The following GRIP1 variants were observed in gnomAD, a reference collection of about 807,000 sequenced individuals.
The protein encoded by GRIP1 is glutamate receptor interacting protein 1.
GRIP1 carries 45 observed loss-of-function variants against 129.9 expected under a neutral mutation model. The observed-to-expected ratio is 0.35, with a 90% CI of 0.27 to 0.44. GRIP1 has a LOEUF of 0.44. Among genes scored for constraint, GRIP1 ranks in the 20% least tolerant of loss-of-function variants. GRIP1 has a pLI of 1.00. For synonymous variants in GRIP1, 530 were observed against 520.8 expected, an observed-to-expected ratio of 1.02 and a Z score of -0.24; for missense variants, 1,196 against 1,396.8, an observed-to-expected ratio of 0.86 and a Z score of 2.29.
At chr12:66,776,448 TAAC>T (rs2037982893) in intron 1 of GRIP1, among the ~76,000 whole-genome samples, 1 of 152,166 alleles carries the variant, frequency 6.6e-6, no homozygotes, top group Non-Finnish European at 1.5e-5. Flanking sequence ...AATCACTGAA[TAAC>T]AATAACTTTA....
At chr12:66,802,211 TTC>T (rs1382134923) in intron 1 of GRIP1, among the ~76,000 whole-genome samples, 1 of 152,136 alleles carries the variant, frequency 6.6e-6, no homozygotes, top group Non-Finnish European at 1.5e-5. Context: ...CTCTGACACA[TTC>T]TGTTTATTAT....
intron 7 of GRIP1, among the ~76,000 whole-genome samples, chr12:66,498,640 G>A (rs769047208): frequency 9.2e-5 from 14 of 152,138 alleles, no homozygotes; most frequent in Non-Finnish European, 1.9e-4. Flanking sequence ...TAATGGCAAT[G>A]TATTATGTTA....
chr12:66,735,987 T>C (rs1282009225), intron 1 of GRIP1, among the ~76,000 whole-genome samples: 1 of 152,070 alleles, frequency 6.6e-6, no homozygotes, highest in African/African-American at 2.4e-5. Context: ...ATATGAGATG[T>C]GGCACCCAGG....
At chr12:66,724,725 C>T (rs2036197631) in intron 1 of GRIP1, among the ~76,000 whole-genome samples, 1 of 152,168 alleles carries the variant, frequency 6.6e-6, no homozygotes, top group East Asian at 1.9e-4. Flanking sequence ...AAAGCAACTC[C>T]CACTCACAGT....
At chr12:66,887,656 C>G (rs929352514) in intron 1 of GRIP1, among the ~76,000 whole-genome samples, 1 of 152,128 alleles carries the variant, frequency 6.6e-6, no homozygotes, top group Non-Finnish European at 1.5e-5. Context: ...TAGAGTATGT[C>G]TCATGTATTT....
chr12:66,969,160 G>A (rs542055950), intron 1 of GRIP1, among the ~76,000 whole-genome samples: 74 of 152,148 alleles, frequency 4.9e-4, no homozygotes, highest in Admixed American at 3.7e-3. Context: ...TTCACATTCC[G>A]AAGTTGAATG....
rs902344419 is a variant in GRIP1 at position 67,065,255 on chromosome 12, C to G, written c.58+3795G>C. ...TCAGGAGGCTGAGGCAGAAGGATCT[C>G]TTGAGCCCAGGAGGTAGAGGCTACG... On this transcript the variant is annotated intron_variant, in intron 1 of 1. Transcript: ENST00000643019. 2.3e-4 allele frequency: 35 copies of G among 152,158 alleles called. 1 individual carries two copies. Among genetic ancestry groups the G allele is most frequent in the African/African-American group, 8.0e-4 (33 of 41,436 alleles). 9.4% of individuals were successfully genotyped at this position (152,158 alleles called of 1,614,324 possible).
chr12:66,861,515 G>T (rs1219232508), intron 1 of GRIP1, among the ~76,000 whole-genome samples: 2 of 152,114 alleles, frequency 1.3e-5, no homozygotes, highest in Non-Finnish European at 2.9e-5. Flanking sequence ...CTTTTGCTTA[G>T]AAAAGTAGAA....
chr12:66,780,782 G>A (rs539550371), intron 1 of GRIP1, among the ~76,000 whole-genome samples: 123 of 152,198 alleles, frequency 8.1e-4, no homozygotes, highest in Non-Finnish European at 1.2e-3. Context: ...ATGCACTGCC[G>A]CTTTGCCCTC....
At chr12:66,759,614 T>C (rs574345582) in intron 1 of GRIP1, among the ~76,000 whole-genome samples, 3 of 152,298 alleles carry the variant, frequency 2.0e-5, no homozygotes, top group African/African-American at 7.2e-5. Flanking sequence ...TAAAATGAAA[T>C]GCTTTTAACA....
chr12:66,860,585 G>A (rs1268508940), intron 1 of GRIP1, among the ~76,000 whole-genome samples: 2 of 151,984 alleles, frequency 1.3e-5, no homozygotes, highest in African/African-American at 4.8e-5. Flanking sequence ...TAAGTTCCCC[G>A]GTGGTAGGTA....
chr12:67,037,329 A>AAATAGTAATAATAATAAT (rs2043112111), intron 1 of GRIP1: 1 of 139,188 alleles, frequency 7.2e-6, no homozygotes, highest in Non-Finnish European at 1.5e-5. Context: ...CTCTGCCTGA[A>AAATAGTAATAATAATAAT]AATAATAATA....
chr12:67,030,606 A>T (rs2043008643), intron 1 of GRIP1, among the ~76,000 whole-genome samples: 1 of 152,224 alleles, frequency 6.6e-6, no homozygotes, highest in Non-Finnish European at 1.5e-5. Flanking sequence ...ATAAATATTA[A>T]AATGAAGCAG....
chr12:66,983,325 TCAG>T (rs1398550265), intron 1 of GRIP1, among the ~76,000 whole-genome samples: 1 of 152,178 alleles, frequency 6.6e-6, no homozygotes. Context: ...ATTTTCCTAC[TCAG>T]CTGTGTTGAA....
At chr12:66,657,477 T>G (rs1565946726) in intron 1 of GRIP1, among the ~76,000 whole-genome samples, 1 of 152,202 alleles carries the variant, frequency 6.6e-6, no homozygotes, top group South Asian at 2.1e-4. Flanking sequence ...TGTCCTAAAC[T>G]GAGCCTCTAT....
intron 22 of GRIP1, among the ~76,000 whole-genome samples, chr12:66,375,937 T>C (rs1168757869): frequency 1.3e-5 from 2 of 152,244 alleles, no homozygotes; most frequent in African/African-American, 4.8e-5. Context: ...GAATTGTGAA[T>C]TGTGCTCGTT....
chr12:66,861,977 G>C (rs2040120280), intron 1 of GRIP1, among the ~76,000 whole-genome samples: 1 of 152,026 alleles, frequency 6.6e-6, no homozygotes, highest in African/African-American at 2.4e-5. Flanking sequence ...ACTCAGTCTA[G>C]TCACAAGAAC....
At chr12:66,857,650 A>C (rs1216160883) in intron 1 of GRIP1, among the ~76,000 whole-genome samples, 1 of 151,890 alleles carries the variant, frequency 6.6e-6, no homozygotes, top group Non-Finnish European at 1.5e-5. Flanking sequence ...TTTTCCATCT[A>C]TGCTCTAGGC....
chr12:66,673,528 C>A (rs1238026765), intron 1 of GRIP1, among the ~76,000 whole-genome samples: 1 of 152,088 alleles, frequency 6.6e-6, no homozygotes, highest in Admixed American at 6.6e-5. Context: ...AGGATGGGTA[C>A]CTCCTGGAAC....
Sources: gnomAD v4.1 joint callset for allele counts (sites outside exome capture counted in the v4.1 genomes callset) on GRCh38, gnomAD v4.1.1 for gene constraint, MANE v1.5 for transcripts, NCBI Gene and HGNC (gene_info 2026-07-23, HGNC 2026-07-21) for gene names.